Variants in RPRD1A observed in about 807,000 individuals in gnomAD.
The protein encoded by RPRD1A is regulation of nuclear pre-mRNA domain containing 1A, also known as regulation of nuclear pre-mRNA domain-containing protein 1A.
RPRD1A carries 9 observed loss-of-function variants against 37.8 expected under a neutral mutation model. The observed-to-expected ratio is 0.24, with a 90% CI of 0.14 to 0.42. The LOEUF is 0.42. RPRD1A is among the 10% of genes least tolerant of loss of function. RPRD1A has a pLI of 1.00. For synonymous variants in RPRD1A, 138 were observed against 139.7 expected (o/e 0.99, Z 0.08); for missense variants, 255 against 371.0 (o/e 0.69, Z 2.57).
intron 1 of RPRD1A, among the ~76,000 whole-genome samples, chr18:36,054,200 A>G (rs1310818202): frequency 0.034 from 3 of 88 alleles, no homozygotes; most frequent in Non-Finnish European, 0.045. Flanking sequence ...AAATGCTAGT[A>G]AATCTATTGG....
At chr18:36,043,981 T>C (rs747123582) in intron 1 of RPRD1A, among the ~76,000 whole-genome samples, 23 of 152,190 alleles carry the variant, frequency 1.5e-4, no homozygotes, top group Non-Finnish European at 3.1e-4. Flanking sequence ...ATAACACATA[T>C]TTTGTATGTT....
intron 1 of RPRD1A, among the ~76,000 whole-genome samples, chr18:36,038,128 CA>C (rs1332635904): frequency 3.9e-5 from 6 of 152,190 alleles, no homozygotes; most frequent in African/African-American, 1.4e-4. Flanking sequence ...CAGAAATTTG[CA>C]AGTAACAAGG....
rs1488140530 is a variant in RPRD1A, at chr18:35,992,503, T to TA, written c.*647dup. On this transcript the variant is annotated 3_prime_UTR_variant, in exon 7 of 7. Transcript: ENST00000399022. ...CAAGGGAGTCACTATTTAACACTTTTAAAATCTACACTGGCAGTTGGAATG... is the reference window on the plus strand; with the variant it reads ...CAAGGGAGTCACTATTTAACACTTTTAAAAATCTACACTGGCAGTTGGAATG... The TA allele has an allele frequency of 6.6e-6, 1 of 152,062 alleles. No individual in the cohort carries two copies. The highest frequency in any genetic ancestry group is 1.9e-4 in the East Asian group (1 of 5,184). The allele number at this position is 152,062 out of a possible 1,614,324, so 9.4% of individuals were successfully genotyped here. A position where few individuals can be genotyped will look rare whatever the true frequency, so the allele number is the denominator to read the frequency against.
In RPRD1A at chr18:36,022,935, G is replaced by C. The variant is rs59280228; in HGVS notation, c.789+3965C>G. The stretch of plus-strand genomic sequence containing the variant: ...TGTGATTGCATGACTACTCCAGCCT[G>C]GGTGACAGAACAAGAGACTGTCTCC... On this transcript the variant is annotated intron_variant, in intron 6 of 6. Transcript: ENST00000399022. Among the ~76,000 whole-genome samples, 1,197 of 152,262 alleles carry C rather than the reference G, an allele frequency of 7.9e-3. 24 individuals carry two copies. Among genetic ancestry groups the C allele is most frequent in the African/African-American group, 0.027 (1,131 of 41,540 alleles).
Position 36,027,291 on chromosome 18 carries a change from GCT to G in RPRD1A, c.504_505del (p.Arg168SerfsTer12). ...GGCTGCATTTTCCAGATCTTGTAAT[GCT>G]CTAACGAGATCTAGAGTCTAAAAAG... On this transcript the variant is annotated frameshift_variant, in exon 5 of 7. Transcript: ENST00000399022. LOFTEE classifies it high-confidence loss of function. 6.2e-7 allele frequency: 1 copy of G among 1,613,764 alleles called. No homozygotes were observed. The highest frequency in any genetic ancestry group is 8.5e-7 in the Non-Finnish European group (1 of 1,179,750).
chr18:36,032,745 C>A (rs1410810357), intron 2 of RPRD1A, among the ~76,000 whole-genome samples: 1 of 152,136 alleles, frequency 6.6e-6, no homozygotes, highest in Non-Finnish European at 1.5e-5. Flanking sequence ...GCATAGGCAC[C>A]TGGATAGATC....
In RPRD1A at chr18:36,031,009, G is replaced by A; in HGVS notation, c.370C>T (p.Gln124Ter). The change falls in exon 3 of 7, where the codon CAA (glutamine) becomes TAA (stop). Residue 124 changes from glutamine to a stop codon, truncating the protein, a stop_gained. Transcript: ENST00000399022. LOFTEE classifies it high-confidence loss of function. ...RSVYENDVLE[Q>*]LKQALYGDKK... Reference sequence around the variant, plus strand: ...CACTTACACAGAGCTTGTTTAAGTTGTTCTAATACATCATTTTCATAAACA... The same window carrying A: ...CACTTACACAGAGCTTGTTTAAGTTATTCTAATACATCATTTTCATAAACA... 1.9e-6 allele frequency: 3 copies of A among 1,595,878 alleles called. No individual in the cohort carries two copies. Among genetic ancestry groups the A allele is most frequent in the Non-Finnish European group, 2.6e-6 (3 of 1,174,792 alleles).
chr18:36,015,131 T>TACACACACAC (rs201284977), intron 6 of RPRD1A, among the ~76,000 whole-genome samples: 24 of 122,956 alleles, frequency 2.0e-4, no homozygotes, highest in African/African-American at 7.0e-4. Flanking sequence ...GGGTCTCACA[T>TACACACACAC]ACACACACAC....
At chr18:36,030,125 C>T (rs1444525748) in intron 4 of RPRD1A, among the ~76,000 whole-genome samples, 6 of 150,826 alleles carry the variant, frequency 4.0e-5, no homozygotes, top group Non-Finnish European at 3.0e-5. Flanking sequence ...CTACTTTTTA[C>T]ATTTAAAAAC....
At position 35,997,755 on chromosome 18, in the gene RPRD1A, A is replaced by G. The variant is rs189595403; in HGVS notation, c.790-4455T>C. On this transcript the variant is annotated intron_variant, in intron 6 of 6. Transcript: ENST00000399022. ...GGGGCACAACATAAAACTCATAACT[A>G]TTAAGTAGATACTTCAGTTAGTATG... Among the ~76,000 whole-genome samples the G allele has an allele frequency of 3.1e-4, 47 of 152,316 alleles. 1 individual carries two copies. The East Asian group carries it at 5.6e-3, about 18-fold the overall frequency.
chr18:36,031,983 T>G (rs1911825002), intron 2 of RPRD1A, among the ~76,000 whole-genome samples: 1 of 152,234 alleles, frequency 6.6e-6, no homozygotes. Flanking sequence ...GCATATAAGC[T>G]ATCTCATTTT....
chr18:36,031,517 G>C (rs752011134), intron 2 of RPRD1A, among the ~76,000 whole-genome samples: 59 of 152,124 alleles, frequency 3.9e-4, no homozygotes, highest in Non-Finnish European at 7.1e-4. Context: ...TTATTTATAA[G>C]TATCACAAAA....
At chr18:36,042,072 T>C (rs1229924436) in intron 1 of RPRD1A, among the ~76,000 whole-genome samples, 2 of 152,348 alleles carry the variant, frequency 1.3e-5, no homozygotes, top group East Asian at 3.9e-4. Context: ...ATCCTTAATA[T>C]GAACCAAAGG....
intron 1 of RPRD1A, among the ~76,000 whole-genome samples, chr18:36,050,334 T>G (rs58906216): frequency 6.6e-6 from 1 of 151,626 alleles, no homozygotes; most frequent in South Asian, 2.1e-4. Flanking sequence ...ACCTCCTGAG[T>G]TGGGGATCCT....
intron 1 of RPRD1A, among the ~76,000 whole-genome samples, chr18:36,050,726 G>GAC (rs1913321943): frequency 9.5e-6 from 1 of 105,806 alleles, no homozygotes; most frequent in Non-Finnish European, 2.0e-5. Flanking sequence ...TTTTTTTTTT[G>GAC]TAGAGACAGG....
chr18:36,043,163 A>G (rs1160145700), intron 1 of RPRD1A, among the ~76,000 whole-genome samples: 1 of 108,588 alleles, frequency 9.2e-6, no homozygotes, highest in Non-Finnish European at 2.1e-5. Context: ...ACAGTAAACA[A>G]TAACTATATC....
intron 1 of RPRD1A, among the ~76,000 whole-genome samples, chr18:36,044,306 G>C (rs1044559638): frequency 1.3e-5 from 2 of 152,052 alleles, no homozygotes; most frequent in Non-Finnish European, 2.9e-5. Context: ...TTGTTCAAAG[G>C]GAAACTGTAA....
chr18:36,017,165 T>A lies in RPRD1A; in HGVS notation c.789+9735A>T, dbSNP rs146360651. Among the ~76,000 whole-genome samples the A allele has an allele frequency of 9.1e-4, 139 of 152,046 alleles. 2 individuals carry two copies. The East Asian group carries it at 0.021, about 23-fold the overall frequency. On this transcript the variant is annotated intron_variant, in intron 6 of 6. Coordinates refer to ENST00000399022, the MANE Select transcript of RPRD1A (RefSeq NM_018170.5). ...TCTCTACAAAAAGCACAAAAATTAG[T>A]CGGGAGTCGTGGCACTCGCCTGTAG...
chr18:36,033,197 G>A (rs751875387), intron 2 of RPRD1A, among the ~76,000 whole-genome samples: 1 of 150,516 alleles, frequency 6.6e-6, no homozygotes, highest in Non-Finnish European at 1.5e-5. Context: ...AGCTACTTGC[G>A]AGGCTGAAGT....
Sources: gnomAD v4.1 joint callset for allele counts (sites outside exome capture counted in the v4.1 genomes callset) on GRCh38, gnomAD v4.1.1 for gene constraint, MANE v1.5 for transcripts, NCBI Gene and HGNC (gene_info 2026-07-23, HGNC 2026-07-21) for gene names.